Variants in AOAH observed in about 807,000 individuals in gnomAD.
The protein encoded by AOAH is acyloxyacyl hydrolase (neutrophil).
A neutral mutation model predicts 92.2 loss-of-function variants in AOAH; 64 were observed. The observed-to-expected ratio is 0.69, with a 90% confidence interval of 0.57 to 0.86. The LOEUF (loss-of-function observed/expected upper bound fraction) is 0.86, where lower values mean the gene tolerates loss of function less well. AOAH is among the 40% of genes least tolerant of loss of function. AOAH has a pLI of 0.00. For missense variants in AOAH, 656 were observed against 694.6 expected (o/e 0.94, Z 0.62); for synonymous variants, 263 against 254.5 (o/e 1.03, Z -0.32).
chr7:36,535,483 A>G (rs1784999396), intron 16 of AOAH, among the ~76,000 whole-genome samples: 1 of 152,196 alleles, frequency 6.6e-6, no homozygotes, highest in Non-Finnish European at 1.5e-5. Context: ...AAATAGAAAC[A>G]CCAAGGTATT....
At chr7:36,630,589 A>T (rs1793006116) in intron 6 of AOAH, among the ~76,000 whole-genome samples, 2 of 152,194 alleles carry the variant, frequency 1.3e-5, no homozygotes, top group South Asian at 4.1e-4. Context: ...AATTCCCTGG[A>T]AAATTTCCAG....
At chr7:36,719,514 T>C (rs1799482752) in intron 1 of AOAH, among the ~76,000 whole-genome samples, 1 of 152,184 alleles carries the variant, frequency 6.6e-6, no homozygotes. Context: ...CTTCCATGTG[T>C]TGGGAAGGTG....
At chr7:36,573,626 G>A (rs534522943) in intron 13 of AOAH, among the ~76,000 whole-genome samples, 1 of 152,268 alleles carries the variant, frequency 6.6e-6, no homozygotes, top group East Asian at 1.9e-4. Flanking sequence ...GCTGAGGTAG[G>A]GGGATTGCTT....
intron 2 of AOAH, among the ~76,000 whole-genome samples, chr7:36,679,424 A>T (rs1796499294): frequency 6.6e-6 from 1 of 151,528 alleles, no homozygotes; most frequent in African/African-American, 2.4e-5. Context: ...ATCACAACAT[A>T]GCAAGTGGTT....
intron 15 of AOAH, among the ~76,000 whole-genome samples, chr7:36,542,923 G>C (rs920395556): frequency 1.1e-4 from 17 of 152,124 alleles, no homozygotes; most frequent in African/African-American, 2.9e-4. Context: ...GAAGTAATTT[G>C]TATGTATTAA....
At chr7:36,542,482 T>C (rs927701010) in intron 15 of AOAH, among the ~76,000 whole-genome samples, 1 of 152,178 alleles carries the variant, frequency 6.6e-6, no homozygotes, top group African/African-American at 2.4e-5. Flanking sequence ...ATAAGTGATA[T>C]GGGAAGAGGG....
At chr7:36,714,874 C>A (rs1402339812) in intron 1 of AOAH, among the ~76,000 whole-genome samples, 1 of 152,138 alleles carries the variant, frequency 6.6e-6, no homozygotes, top group Admixed American at 6.5e-5. Context: ...CAATATCATA[C>A]TGAATGGGCA....
At chr7:36,639,991 G>C (rs1793790911) in intron 4 of AOAH, among the ~76,000 whole-genome samples, 1 of 152,222 alleles carries the variant, frequency 6.6e-6, no homozygotes, top group South Asian at 2.1e-4. Context: ...TATGAAAACA[G>C]GATGTGGCAA....
chr7:36,640,775 G>A (rs1793845315), intron 4 of AOAH, among the ~76,000 whole-genome samples: 1 of 152,142 alleles, frequency 6.6e-6, no homozygotes, highest in Non-Finnish European at 1.5e-5. Context: ...AATAGTGGAG[G>A]GAAGCTCCAG....
At chr7:36,674,800 G>A (rs769492078) in intron 2 of AOAH, among the ~76,000 whole-genome samples, 2 of 152,216 alleles carry the variant, frequency 1.3e-5, no homozygotes, top group Non-Finnish European at 2.9e-5. Context: ...ACATAGGGGG[G>A]CCCGGGCCTT....
chr7:36,542,669 C>A (rs1338891031), intron 15 of AOAH, among the ~76,000 whole-genome samples: 1 of 152,136 alleles, frequency 6.6e-6, no homozygotes, highest in African/African-American at 2.4e-5. Context: ...ACATTTCCAC[C>A]AATGTGCAAA....
intron 10 of AOAH, among the ~76,000 whole-genome samples, chr7:36,617,428 A>T (rs181196709): frequency 6.6e-6 from 1 of 152,376 alleles, no homozygotes; most frequent in East Asian, 1.9e-4. Flanking sequence ...ATGAGCCTTT[A>T]CATTTTCTAT....
chr7:36,710,566 T>A (rs1171962778), intron 1 of AOAH, among the ~76,000 whole-genome samples: 2 of 152,234 alleles, frequency 1.3e-5, no homozygotes. Context: ...TTATGTTATG[T>A]CCAGGCTTCT....
intron 11 of AOAH, among the ~76,000 whole-genome samples, chr7:36,609,613 C>T (rs1251553151): frequency 6.6e-6 from 1 of 151,856 alleles, no homozygotes; most frequent in Non-Finnish European, 1.5e-5. Flanking sequence ...TGGGACCTGA[C>T]TACCTCCAGC....
intron 2 of AOAH, among the ~76,000 whole-genome samples, chr7:36,684,880 C>G (rs900689175): frequency 8.8e-6 from 1 of 114,194 alleles, no homozygotes; most frequent in Non-Finnish European, 1.6e-5. Context: ...GCAGTTCACC[C>G]TGGGCGACAG....
At chr7:36,593,862 AC>A (rs1339048901) in intron 12 of AOAH, among the ~76,000 whole-genome samples, 5 of 152,064 alleles carry the variant, frequency 3.3e-5, no homozygotes, top group African/African-American at 1.2e-4. Context: ...TGGGAAGCAG[AC>A]CCCAGGCCTT....
At chr7:36,720,709 C>T (rs1014152655) in intron 1 of AOAH, among the ~76,000 whole-genome samples, 1 of 152,140 alleles carries the variant, frequency 6.6e-6, no homozygotes. Flanking sequence ...TACAAGGCTC[C>T]AGGTTTTCGT....
intron 13 of AOAH, among the ~76,000 whole-genome samples, chr7:36,573,578 C>T (rs763108140): frequency 1.3e-5 from 2 of 152,006 alleles, no homozygotes; most frequent in Non-Finnish European, 2.9e-5. Flanking sequence ...AATAGCTGAG[C>T]GTGGTGGCAT....
intron 16 of AOAH, among the ~76,000 whole-genome samples, chr7:36,537,506 G>GTTTTTTTTTTTTT (rs67918250): frequency 8.2e-5 from 11 of 134,826 alleles, no homozygotes; most frequent in Non-Finnish European, 1.3e-4. Context: ...CACCCCTCTT[G>GTTTTTTTTTTTTT]TTTTTTTTTT....
Sources: allele counts gnomAD v4.1 joint callset (sites outside exome capture counted in the v4.1 genomes callset), GRCh38; gene constraint gnomAD v4.1.1; transcripts MANE v1.5; gene names NCBI Gene and HGNC (gene_info 2026-07-23, HGNC 2026-07-21).